APLP2: variants seen among roughly 807,000 people sequenced by gnomAD.
APLP2 encodes the protein CDEI box-binding protein.
Under a neutral mutation model 89.9 loss-of-function variants are expected in APLP2, and 53 were observed. That is an observed-to-expected ratio of 0.59 (90% confidence interval 0.47 to 0.74). The LOEUF (loss-of-function observed/expected upper bound fraction) is 0.74, where lower values mean the gene tolerates loss of function less well. APLP2 is among the 30% of genes least tolerant of loss of function. APLP2 has a pLI of 0.00. For missense variants in APLP2, 973 were observed against 975.9 expected (o/e 1.00, Z 0.04); for synonymous variants, 372 against 348.6 (o/e 1.07, Z -0.75).
At chr11:130,132,551 A>C (rs1349903044) in intron 11 of APLP2, among the ~76,000 whole-genome samples, 2 of 151,128 alleles carry the variant, frequency 1.3e-5, no homozygotes, top group Non-Finnish European at 2.9e-5. Flanking sequence ...CTAGCCCGTC[A>C]CCTTTCACTT....
intron 8 of APLP2, among the ~76,000 whole-genome samples, chr11:130,127,412 C>A (rs1591833805): frequency 6.6e-6 from 1 of 152,228 alleles, no homozygotes; most frequent in East Asian, 1.9e-4. Flanking sequence ...AAATCCCACA[C>A]AGTCCCATGT....
chr11:130,142,115 G>C (rs371487512), intron 16 of APLP2, 41 bp downstream of exon 16: 169 of 1,565,934 alleles, frequency 1.1e-4, no homozygotes, highest in Non-Finnish European at 1.4e-4. Flanking sequence ...TGCACTGTGG[G>C]CTGGGTTGGG....
chr11:130,093,910 AT>A (rs1048699719), intron 1 of APLP2, among the ~76,000 whole-genome samples: 1 of 151,454 alleles, frequency 6.6e-6, no homozygotes, highest in South Asian at 2.1e-4. Flanking sequence ...CGTCTGGCTA[AT>A]TTTTTTTGTA....
intron 1 of APLP2, among the ~76,000 whole-genome samples, chr11:130,071,118 T>G (rs1940990857): frequency 6.6e-6 from 1 of 152,248 alleles, no homozygotes. Flanking sequence ...CTTCGCTCTT[T>G]TAAAAATTAC....
chr11:130,082,772 A>G (rs749326788), intron 1 of APLP2: 18 of 222,976 alleles, frequency 8.1e-5, no homozygotes, highest in Non-Finnish European at 1.2e-4. Flanking sequence ...AGCCTGTGAC[A>G]GTATGTCAGA....
intron 4 of APLP2, 142 bp downstream of exon 4, chr11:130,120,960 T>A: frequency 1.5e-6 from 1 of 663,730 alleles, no homozygotes; most frequent in Middle Eastern, 2.5e-4. Flanking sequence ...TTCTGTCTTA[T>A]AAGTTAGAAA....
At chr11:130,071,119 TA>T (rs1451102488) in intron 1 of APLP2, among the ~76,000 whole-genome samples, 7 of 152,238 alleles carry the variant, frequency 4.6e-5, no homozygotes, top group Non-Finnish European at 1.0e-4. Flanking sequence ...TTCGCTCTTT[TA>T]AAAATTACAA....
intron 5 of APLP2, among the ~76,000 whole-genome samples, chr11:130,122,054 G>A (rs1358930868): frequency 2.0e-5 from 3 of 152,054 alleles, no homozygotes; most frequent in South Asian, 2.1e-4. Context: ...TTAAGAGTCC[G>A]TGTCATTTGT....
At chr11:130,132,287 A>C (rs1390687778) in intron 11 of APLP2, among the ~76,000 whole-genome samples, 2 of 152,216 alleles carry the variant, frequency 1.3e-5, no homozygotes, top group African/African-American at 4.8e-5. Context: ...ATATAAAATT[A>C]AATTGCTTTC....
At chr11:130,073,639 G>A (rs527298946) in intron 1 of APLP2, among the ~76,000 whole-genome samples, 17 of 152,256 alleles carry the variant, frequency 1.1e-4, no homozygotes, top group African/African-American at 4.1e-4. Flanking sequence ...TCAGGAGTTC[G>A]AGACCAGCCT....
In APLP2 at chr11:130,071,565, G is replaced by C. The variant is rs1941108824; in HGVS notation, c.105+1483G>C. On this transcript the variant is annotated intron_variant, in intron 1 of 16. Coordinates refer to ENST00000338167, the MANE Select transcript of APLP2 (RefSeq NM_001142276.2). Reference sequence around the variant, plus strand: ...GACTTCACTAGTGGGTCGGGTGTCAGAAACCATCGTTCACACTCGCACTCC... The same window carrying C: ...GACTTCACTAGTGGGTCGGGTGTCACAAACCATCGTTCACACTCGCACTCC... Among the ~76,000 whole-genome samples the C allele has an allele frequency of 2.0e-5, 3 of 152,160 alleles. No homozygotes were observed. In the South Asian group the frequency reaches 6.2e-4, roughly 31 times the overall value.
At chr11:130,083,452 C>T (rs994023468) in intron 1 of APLP2, among the ~76,000 whole-genome samples, 1 of 152,206 alleles carries the variant, frequency 6.6e-6, no homozygotes, top group African/African-American at 2.4e-5. Context: ...AGAACTTATG[C>T]ATCTTGCAAA....
chr11:130,080,143 A>T (rs201242205), intron 1 of APLP2, among the ~76,000 whole-genome samples: 1 of 152,260 alleles, frequency 6.6e-6, no homozygotes, highest in East Asian at 1.9e-4. Flanking sequence ...TTTTTGTAAT[A>T]TACTTGTCAA....
chr11:130,127,811 C>T lies in APLP2; in HGVS notation c.1267C>T (p.Pro423Ser), dbSNP rs1251419007. The stretch of plus-strand genomic sequence containing the variant: ...GGCAGAGCTTCAAGCTAAGAACCTC[C>T]CCAAAGCAGAGAGGCAGACTCTGAT... Reference protein sequence around the residue: ...EEAELQAKNLPKAERQTLIQH... With the variant: ...EEAELQAKNLSKAERQTLIQH... Residue 423 changes from proline to serine, a missense_variant, in exon 9 of 17, where the codon CCC (proline) becomes TCC (serine). Physicochemically the swap from Pro to Ser is moderately conservative, Grantham distance 74. Transcript: ENST00000338167. 2 of 1,614,102 alleles carry T rather than the reference C, an allele frequency of 1.2e-6. No individual in the cohort carries two copies. Among genetic ancestry groups the T allele is most frequent in the East Asian group, 2.2e-5 (1 of 44,886 alleles).
chr11:130,093,127 C>G (rs1945662122), intron 1 of APLP2, among the ~76,000 whole-genome samples: 1 of 152,186 alleles, frequency 6.6e-6, no homozygotes, highest in Non-Finnish European at 1.5e-5. Context: ...GTCTCCCTAA[C>G]CAGGCCCGGG....
Position 130,081,104 on chromosome 11 carries a change from A to C in APLP2, c.105+11022A>C, listed in dbSNP as rs556750894. Among the ~76,000 whole-genome samples the C allele has an allele frequency of 1.9e-4, 29 of 151,774 alleles. No homozygotes were observed. In the South Asian group the frequency reaches 2.5e-3, roughly 13 times the overall value. ...CAGTTTTGACCAAAACAAAAAACAA[A>C]CCCCCCCAAAAACAAAAGAGTAGAT... is the stretch of plus-strand genomic sequence containing the variant. On this transcript the variant is annotated intron_variant, in intron 1 of 16. Coordinates refer to ENST00000338167, the MANE Select transcript of APLP2 (RefSeq NM_001142276.2).
intron 11 of APLP2, among the ~76,000 whole-genome samples, chr11:130,132,621 A>G (rs202193019): frequency 6.9e-6 from 1 of 145,170 alleles, no homozygotes. Flanking sequence ...TTTTTTTTTA[A>G]ATAATGAATA....
chr11:130,070,185 G>T, intron 1 of APLP2, 103 bp downstream of exon 1: 2 of 561,636 alleles, frequency 3.6e-6, no homozygotes, highest in South Asian at 1.4e-4. Flanking sequence ...CCGGCGGTGC[G>T]GCGCCGGGGG....
At chr11:130,106,035 G>A (rs959900292) in intron 1 of APLP2, among the ~76,000 whole-genome samples, 1 of 152,168 alleles carries the variant, frequency 6.6e-6, no homozygotes, top group Non-Finnish European at 1.5e-5. Flanking sequence ...ATGTCTGCAG[G>A]AGCCTTGCTG....
Sources: allele counts gnomAD v4.1 joint callset (sites outside exome capture counted in the v4.1 genomes callset), GRCh38; gene constraint gnomAD v4.1.1; transcripts MANE v1.5; gene names NCBI Gene and HGNC (gene_info 2026-07-23, HGNC 2026-07-21).